The following COL7A1 variants were observed in gnomAD, a reference collection of about 807,000 sequenced individuals.
COL7A1 encodes the protein collagen type VII alpha 1 chain, also known as collagen alpha-1(VII) chain.
A neutral mutation model predicts 456.2 loss-of-function variants in COL7A1; 296 were observed. The observed-to-expected ratio is 0.65, with a 90% confidence interval of 0.59 to 0.71. The LOEUF (loss-of-function observed/expected upper bound fraction) is 0.71, where lower values mean the gene tolerates loss of function less well. Among genes scored for constraint, COL7A1 ranks in the 30% least tolerant of loss-of-function variants. The pLI is 0.00. For synonymous variants in COL7A1, 1,464 were observed against 1,525.9 expected (o/e 0.96, Z 0.95); for missense variants, 3,441 against 4,017.2 (o/e 0.86, Z 3.88).
At position 48,581,617 on chromosome 3, in the gene COL7A1, C is replaced by T. The variant is rs373100290; in HGVS notation, c.4738G>A (p.Val1580Ile). The change falls in exon 50 of 119, where the codon GTT becomes ATT. Residue 1580 changes from valine to isoleucine, a missense_variant. Physicochemically the swap from Val to Ile is conservative, Grantham distance 29. Coordinates refer to ENST00000681320, the MANE Select transcript of COL7A1 (RefSeq NM_000094.4). This position sits in a 1 kb window ranked among gnomAD's most constrained non-coding sequence, Gnocchi z 5.8. ...VQGERGPPGLVLPGDPGPKGD... is the reference protein window; with the variant it reads ...VQGERGPPGLILPGDPGPKGD... The stretch of plus-strand genomic sequence containing the variant: ...TTGGGGCCAGGGTCTCCAGGAAGAA[C>T]CAAGCCGGGTGGGCCCTGTGGATGG... 6.2e-7 allele frequency: 1 copy of T among 1,614,092 alleles called. No homozygotes were observed. Among genetic ancestry groups the T allele is most frequent in the Non-Finnish European group, 8.5e-7 (1 of 1,180,046 alleles).
In COL7A1 at chr3:48,593,760, G is replaced by A; in HGVS notation, c.267-64C>T. The A allele has an allele frequency of 1.3e-6, 2 of 1,597,404 alleles. No homozygotes were observed. The highest frequency in any genetic ancestry group is 1.7e-6 in the Non-Finnish European group (2 of 1,164,950). On this transcript the variant is annotated intron_variant, in intron 3 of 118. Coordinates refer to ENST00000681320, the MANE Select transcript of COL7A1 (RefSeq NM_000094.4). This position sits in a 1 kb window ranked among gnomAD's most constrained non-coding sequence, Gnocchi z 4.4. ...GATCTCTTCTGGCCCTGGCCTTGAG[G>A]AGGCCTCTAGGGTGAGGGTTACGGG...
chr3:48,564,307 G>A lies in COL7A1; in HGVS notation c.*99C>T, dbSNP rs1248175222. Reference sequence around the variant, plus strand: ...AACGGACGTGCACACGCACGCTCACGTGCACACAAGCCTCTAGCACCAAGG... The same window carrying A: ...AACGGACGTGCACACGCACGCTCACATGCACACAAGCCTCTAGCACCAAGG... On this transcript the variant is annotated 3_prime_UTR_variant, in exon 119 of 119. Transcript: ENST00000681320. This position sits in a 1 kb window ranked among gnomAD's most constrained non-coding sequence, Gnocchi z 6.0. 13 of 1,430,960 alleles carry A rather than the reference G, an allele frequency of 9.1e-6. No individual in the cohort carries two copies. The highest frequency in any genetic ancestry group is 2.3e-5 in the East Asian group (1 of 43,836). The allele number at this position is 1,430,960 out of a possible 1,614,324, so 88.6% of individuals were successfully genotyped here. A position where few individuals can be genotyped will look rare whatever the true frequency, so the allele number is the denominator to read the frequency against.
Position 48,572,779 on chromosome 3 carries a change from C to T in COL7A1, c.6832-40G>A, listed in dbSNP as rs377320011. Reference sequence around the variant, plus strand: ...CGTGAGGAACTCAGTGCCTCTCCACCACCACCCCTGCTGCCCCACTCCTCA... The same window carrying T: ...CGTGAGGAACTCAGTGCCTCTCCACTACCACCCCTGCTGCCCCACTCCTCA... On this transcript the variant is annotated intron_variant, in intron 87 of 118. Coordinates refer to ENST00000681320, the MANE Select transcript of COL7A1 (RefSeq NM_000094.4). This position sits in a 1 kb window ranked among gnomAD's most constrained non-coding sequence, Gnocchi z 4.6. 5.0e-6 allele frequency: 8 copies of T among 1,611,684 alleles called. No individual in the cohort carries two copies. Among genetic ancestry groups the T allele is most frequent in the Non-Finnish European group, 6.8e-6 (8 of 1,178,778 alleles).
chr3:48,584,145 A>G (rs539761644), intron 37 of COL7A1, 84 bp from the exon 38 acceptor site: 82 of 1,609,574 alleles, frequency 5.1e-5, no homozygotes, highest in African/African-American at 3.5e-4. Context: ...ATGGGGTCCA[A>G]TTGGATTTCA....
Position 48,568,924 on chromosome 3 carries a change from C to A in COL7A1, c.7687-69G>T, listed in dbSNP as rs1048600678. The A allele has an allele frequency of 1.4e-6, 2 of 1,463,988 alleles. No homozygotes were observed. The highest frequency in any genetic ancestry group is 2.8e-5 in the African/African-American group (2 of 71,338). The allele number at this position is 1,463,988 out of a possible 1,614,324, so 90.7% of individuals were successfully genotyped here. ...GGCTGGGGGCTTAGAATACAACGAG[C>A]CCGCCAGCTGGGGCAGAGCTCAAGT... On this transcript the variant is annotated intron_variant, in intron 103 of 118. Coordinates refer to ENST00000681320, the MANE Select transcript of COL7A1 (RefSeq NM_000094.4). The surrounding 1 kb of genome is among the most constrained non-coding windows in gnomAD (Gnocchi z 5.2).
rs2044057929 is a variant in COL7A1, at chr3:48,573,235, C to G, written c.6653G>C (p.Gly2218Ala). The change falls in exon 85 of 119, where the codon GGC becomes GCC. Residue 2218 changes from glycine to alanine, a missense_variant and splice_region_variant. Physicochemically the swap from Gly to Ala is moderately conservative, Grantham distance 60. Transcript: ENST00000681320. The surrounding 1 kb of genome is among the most constrained non-coding windows in gnomAD (Gnocchi z 5.5). ...CACAGCTCCAGTAGGTCCAGTCAGG[C>G]CCTGGAGGAAGAGAAAGTTCAGGGC... ...EPGETGPPGR[G>A]LTGPTGAVGL... is the part of the protein sequence containing the mutation. 2 of 1,614,118 alleles carry G rather than the reference C, an allele frequency of 1.2e-6. No individual in the cohort carries two copies. Among genetic ancestry groups the G allele is most frequent in the Middle Eastern group, 3.3e-4 (2 of 6,062 alleles).
At position 48,567,302 on chromosome 3, in the gene COL7A1, A is replaced by G. The variant is rs1225394825; in HGVS notation, c.8047-112T>C. ...TAATGCCCAAACCTTCTGTAACCCA[A>G]GCACCTGTGAGCCAACCAGATGTGA... On this transcript the variant is annotated intron_variant, in intron 109 of 118. Transcript: ENST00000681320. The surrounding 1 kb of genome is among the most constrained non-coding windows in gnomAD (Gnocchi z 4.3). 7.6e-7 allele frequency: 1 copy of G among 1,321,892 alleles called. No individual in the cohort carries two copies. Among genetic ancestry groups the G allele is most frequent in the Non-Finnish European group, 1.1e-6 (1 of 930,562 alleles). 81.9% of individuals were successfully genotyped at this position (1,321,892 alleles called of 1,614,324 possible). A position where few individuals can be genotyped will look rare whatever the true frequency, so the allele number is the denominator to read the frequency against.
Position 48,593,276 on chromosome 3 carries a change from C to T in COL7A1, c.521-13G>A, listed in dbSNP as rs1157258649. 1 of 1,614,124 alleles carries T rather than the reference C, an allele frequency of 6.2e-7. No homozygotes were observed. Among genetic ancestry groups the T allele is most frequent in the Non-Finnish European group, 8.5e-7 (1 of 1,180,020 alleles). On this transcript the variant is annotated splice_polypyrimidine_tract_variant and intron_variant, in intron 5 of 118. Coordinates refer to ENST00000681320, the MANE Select transcript of COL7A1 (RefSeq NM_000094.4). The surrounding 1 kb of genome is among the most constrained non-coding windows in gnomAD (Gnocchi z 4.4). ...GCATTCTTGATCCCTGAAGTGACGA[C>T]CCATCAGGACTCAGTCACCCACATG... is the stretch of plus-strand genomic sequence containing the variant.
chr3:48,594,273 AGACCT>A lies in COL7A1; in HGVS notation c.266+90_266+94del. The A allele has an allele frequency of 2.1e-6, 3 of 1,460,118 alleles. No homozygotes were observed. Among genetic ancestry groups the A allele is most frequent in the Non-Finnish European group, 2.8e-6 (3 of 1,066,126 alleles). 90.4% of individuals were successfully genotyped at this position (1,460,118 alleles called of 1,614,324 possible). On this transcript the variant is annotated intron_variant, in intron 3 of 118. Transcript: ENST00000681320. The surrounding 1 kb of genome is among the most constrained non-coding windows in gnomAD (Gnocchi z 5.5). ...GGTTCCCCAAAACTTGTTTCTGCAA[AGACCT>A]GGCCTGGGGTTTCCAGGGTCTCCTC...
At position 48,571,663 on chromosome 3, in the gene COL7A1, G is replaced by A. The variant is rs2043929535; in HGVS notation, c.7068+338C>T. The A allele has an allele frequency of 1.5e-6, 1 of 653,014 alleles. No individual in the cohort carries two copies. Among genetic ancestry groups the A allele is most frequent in the Non-Finnish European group, 2.9e-6 (1 of 344,784 alleles). 40.5% of individuals were successfully genotyped at this position (653,014 alleles called of 1,614,324 possible). A position where few individuals can be genotyped will look rare whatever the true frequency, so the allele number is the denominator to read the frequency against. On this transcript the variant is annotated intron_variant, in intron 92 of 118. Coordinates refer to ENST00000681320, the MANE Select transcript of COL7A1 (RefSeq NM_000094.4). This position sits in a 1 kb window ranked among gnomAD's most constrained non-coding sequence, Gnocchi z 4.6. ...GCTGAACGCTGGCAGCCAGGGGCAG[G>A]GGAAAGGAGGATTGTAAACACAGGA...
intron 65 of COL7A1, among the ~76,000 whole-genome samples, chr3:48,577,944 G>A (rs2044433534): frequency 6.6e-6 from 1 of 152,178 alleles, no homozygotes; most frequent in Admixed American, 6.5e-5. Context: ...GAGGCGGGCG[G>A]ATCACCTGAG....
Position 48,575,386 on chromosome 3 carries a change from G to A in COL7A1, c.6133C>T (p.Pro2045Ser), listed in dbSNP as rs2044224295. The change falls in exon 74 of 119, where the codon CCA (proline) becomes TCA (serine). Residue 2045 changes from proline to serine, a missense_variant. By Grantham distance (74) the Pro-to-Ser change is moderately conservative (BLOSUM62 -1). Around this residue, in one of 3 missense-constraint regions of COL7A1, gnomAD observed 2,084 missense variants for 2,501.3 expected, o/e 0.83. Coordinates refer to ENST00000681320, the MANE Select transcript of COL7A1 (RefSeq NM_000094.4). This position sits in a 1 kb window ranked among gnomAD's most constrained non-coding sequence, Gnocchi z 6.3. Reference protein sequence around the residue: ...EPGKPGIPGLPGRAGGVGEAG... With the variant: ...EPGKPGIPGLSGRAGGVGEAG... ...TCTCCCACACCCCCAGCCCTGCCTG[G>A]GAGCCCGGGAATACCAGGCTTTCCA... 1.9e-6 allele frequency: 3 copies of A among 1,610,810 alleles called. No homozygotes were observed. In the Admixed American group the frequency reaches 5.0e-5, roughly 27 times the overall value.
In COL7A1 at chr3:48,575,786, C is replaced by A; in HGVS notation, c.5857-38G>T. ...AAGAGGTCAGAGGAGCGGGGTGCGT[C>A]GCCGCAGCCCCTATGCCTGTGGGCA... On this transcript the variant is annotated intron_variant, in intron 72 of 118. Coordinates refer to ENST00000681320, the MANE Select transcript of COL7A1 (RefSeq NM_000094.4). This position sits in a 1 kb window ranked among gnomAD's most constrained non-coding sequence, Gnocchi z 6.3. 6.2e-7 allele frequency: 1 copy of A among 1,614,066 alleles called. No homozygotes were observed. The highest frequency in any genetic ancestry group is 8.5e-7 in the Non-Finnish European group (1 of 1,180,020).
chr3:48,582,859 C>T (rs1265912961), intron 44 of COL7A1, among the ~76,000 whole-genome samples, 154 bp downstream of exon 44: 6 of 151,954 alleles, frequency 3.9e-5, no homozygotes, highest in Non-Finnish European at 5.9e-5. Context: ...AAGCCAGGTC[C>T]CTGGGGCTGA....
chr3:48,565,112 C>T lies in COL7A1; in HGVS notation c.8617G>A (p.Asp2873Asn). The T allele has an allele frequency of 1.9e-6, 3 of 1,614,108 alleles. No individual in the cohort carries two copies. The highest frequency in any genetic ancestry group is 1.1e-5 in the South Asian group (1 of 91,072). The change falls in exon 117 of 119, where the codon GAT (aspartate) becomes AAT (asparagine). Residue 2873 changes from aspartate to asparagine, a missense_variant. Coordinates refer to ENST00000681320, the MANE Select transcript of COL7A1 (RefSeq NM_000094.4). This position sits in a 1 kb window ranked among gnomAD's most constrained non-coding sequence, Gnocchi z 4.5. ...GCTGGCAGCCCCCCATTCTCACCAT[C>T]ACTATCCCAAGGAGCTTCAGGGTCC... ...YQDPEAPWDS[D>N]DPCSLPLDEG... is the part of the protein sequence containing the mutation.
At position 48,565,504 on chromosome 3, in the gene COL7A1, CAAG is replaced by C; in HGVS notation, c.8441-11_8441-9del. 1.9e-6 allele frequency: 3 copies of C among 1,613,712 alleles called. No homozygotes were observed. The highest frequency in any genetic ancestry group is 2.5e-6 in the Non-Finnish European group (3 of 1,179,788). On this transcript the variant is annotated splice_polypyrimidine_tract_variant and intron_variant, in intron 115 of 118. Coordinates refer to ENST00000681320, the MANE Select transcript of COL7A1 (RefSeq NM_000094.4). This position sits in a 1 kb window ranked among gnomAD's most constrained non-coding sequence, Gnocchi z 4.5. The stretch of plus-strand genomic sequence containing the variant: ...CATAACTAGGGAGGGGTCCTGGAGC[CAAG>C]AGCAGGGGCCTCAGGGCCCTGAAGT...
Position 48,578,761 on chromosome 3 carries a change from G to T in COL7A1, c.5424+158C>A. The T allele has an allele frequency of 1.2e-6, 1 of 809,180 alleles. No individual in the cohort carries two copies. Among genetic ancestry groups the T allele is most frequent in the South Asian group, 1.8e-5 (1 of 55,000 alleles). The allele number at this position is 809,180 out of a possible 1,614,324, so 50.1% of individuals were successfully genotyped here. A position where few individuals can be genotyped will look rare whatever the true frequency, so the allele number is the denominator to read the frequency against. The stretch of plus-strand genomic sequence containing the variant: ...CCAAGGCAAAGAAGGTCAGAAAGGG[G>T]GATTCTACTAAAACCTGTGTGCCAG... On this transcript the variant is annotated intron_variant, in intron 63 of 118. Transcript: ENST00000681320. The surrounding 1 kb of genome is among the most constrained non-coding windows in gnomAD (Gnocchi z 4.7).
rs753359572 is a variant in COL7A1 at position 48,595,065 on chromosome 3, C to A, written c.85+10G>T. 3 of 1,546,602 alleles carry A rather than the reference C, an allele frequency of 1.9e-6. No homozygotes were observed. The highest frequency in any genetic ancestry group is 2.6e-6 in the Non-Finnish European group (3 of 1,145,446). ...GTGCCCCGGGCCGGGTCCTCCCTTG[C>A]GGTGCCCACCTCTCTCCCTGTGCTG... On this transcript the variant is annotated intron_variant, in intron 2 of 118. Coordinates refer to ENST00000681320, the MANE Select transcript of COL7A1 (RefSeq NM_000094.4).
Position 48,565,255 on chromosome 3 carries a change from G to T in COL7A1, c.8528-54C>A. The T allele has an allele frequency of 6.4e-7, 1 of 1,558,064 alleles. No homozygotes were observed. Among genetic ancestry groups the T allele is most frequent in the Non-Finnish European group, 8.8e-7 (1 of 1,136,576 alleles). ...CAGTGGCTGCTGGCCCCGGGGCAAG[G>T]TGGGCAGCACTGATTTCCACTGTGT... On this transcript the variant is annotated intron_variant, in intron 116 of 118. Transcript: ENST00000681320. The surrounding 1 kb of genome is among the most constrained non-coding windows in gnomAD (Gnocchi z 4.5).
Sources: allele counts gnomAD v4.1 joint callset (sites outside exome capture counted in the v4.1 genomes callset), GRCh38; gene constraint gnomAD v4.1.1; regional missense constraint gnomAD v4.1.1; non-coding constraint Gnocchi (gnomAD v3.1); transcripts MANE v1.5; gene names NCBI Gene and HGNC (gene_info 2026-07-23, HGNC 2026-07-21).